STK3: variants seen among roughly 807,000 people sequenced by gnomAD.
The protein encoded by STK3 is serine/threonine-protein kinase 3.
A neutral mutation model predicts 58.0 loss-of-function variants in STK3; 41 were observed. The observed-to-expected ratio is 0.71, with a 90% confidence interval of 0.55 to 0.92. The LOEUF is 0.92. Among genes scored for constraint, STK3 ranks in the 40% least tolerant of loss-of-function variants. The pLI is 0.00. For synonymous variants in STK3, 170 were observed against 191.0 expected (o/e 0.89, Z 0.91); for missense variants, 479 against 602.7 (o/e 0.79, Z 2.15).
At position 98,633,939 on chromosome 8, in the gene STK3, G is replaced by C. The variant is rs189864724; in HGVS notation, c.685-37770C>G. 29 of 233,190 alleles carry C rather than the reference G, an allele frequency of 1.2e-4. No homozygotes were observed. The East Asian group carries it at 3.2e-3, about 25-fold the overall frequency. The allele number at this position is 233,190 out of a possible 1,614,324, so 14.4% of individuals were successfully genotyped here. ...GCTGTACAACTAGCTAGAAGTTTCAGAATAAACATACATTCACAACTGTCA... is the reference window on the plus strand; with the variant it reads ...GCTGTACAACTAGCTAGAAGTTTCACAATAAACATACATTCACAACTGTCA... On this transcript the variant is annotated intron_variant, in intron 6 of 10. Coordinates refer to ENST00000419617, the MANE Select transcript of STK3 (RefSeq NM_006281.4).
At chr8:98,423,442 GAA>G (rs1240193261) in intron 3 of STK3, among the ~76,000 whole-genome samples, 1 of 152,234 alleles carries the variant, frequency 6.6e-6, no homozygotes. Context: ...GCAGTGAGCC[GAA>G]GTTTGGGAGG....
chr8:98,492,474 G>A (rs1272044191), intron 10 of STK3, among the ~76,000 whole-genome samples: 1 of 152,130 alleles, frequency 6.6e-6, no homozygotes, highest in Non-Finnish European at 1.5e-5. Context: ...TGTGAAATTG[G>A]AGAAAGGCCT....
intron 3 of STK3, among the ~76,000 whole-genome samples, chr8:98,833,994 C>CTG (rs1835650912): frequency 6.6e-6 from 1 of 152,072 alleles, no homozygotes; most frequent in Admixed American, 6.6e-5. Context: ...AAACCTTTAT[C>CTG]TGAGGGATGT....
downstream of STK3, among the ~76,000 whole-genome samples, chr8:98,367,688 C>T (rs955793781): frequency 2.0e-5 from 3 of 152,162 alleles, no homozygotes; most frequent in African/African-American, 4.8e-5. Context: ...TAGTGACTGC[C>T]ATGTCAACAA....
At chr8:98,904,224 TG>T (rs1173854881) in intron 1 of STK3, among the ~76,000 whole-genome samples, 1 of 152,070 alleles carries the variant, frequency 6.6e-6, no homozygotes, top group Non-Finnish European at 1.5e-5. Context: ...TGCCACTACA[TG>T]GTCATTTGAA....
intron 4 of STK3, 41 bp downstream of exon 4, chr8:98,749,235 C>T (rs918095028): frequency 1.9e-5 from 26 of 1,380,364 alleles, no homozygotes; most frequent in Non-Finnish European, 2.4e-5. Context: ...AAATATCAAT[C>T]TTTAGAAATG....
intron 10 of STK3, among the ~76,000 whole-genome samples, chr8:98,499,666 A>G (rs1041483048): frequency 2.6e-5 from 4 of 152,232 alleles, no homozygotes; most frequent in Non-Finnish European, 5.9e-5. Context: ...TAAACACAGT[A>G]AAGATGGTAC....
At chr8:98,918,776 CAAA>C (rs1384127924) in intron 1 of STK3, among the ~76,000 whole-genome samples, 1 of 151,728 alleles carries the variant, frequency 6.6e-6, no homozygotes, top group African/African-American at 2.4e-5. Flanking sequence ...CTCAAAAAGA[CAAA>C]AACAAAAACA....
intron 6 of STK3, among the ~76,000 whole-genome samples, chr8:98,619,181 C>T (rs972162138): frequency 2.7e-5 from 4 of 150,718 alleles, no homozygotes. Context: ...ACTATCTGAT[C>T]TTTGACAAAC....
chr8:98,783,719 C>G (rs1832269442), intron 1 of STK3, among the ~76,000 whole-genome samples: 1 of 152,218 alleles, frequency 6.6e-6, no homozygotes, highest in Admixed American at 6.5e-5. Context: ...TGGAATCAAT[C>G]CTCTCAAACC....
chr8:98,489,536 C>G (rs1822532320), intron 10 of STK3, among the ~76,000 whole-genome samples: 1 of 152,098 alleles, frequency 6.6e-6, no homozygotes, highest in South Asian at 2.1e-4. Flanking sequence ...AGTAAAAAGT[C>G]TTCCCACGTA....
intron 6 of STK3, among the ~76,000 whole-genome samples, chr8:98,662,565 G>A (rs1014291385): frequency 2.6e-5 from 4 of 151,994 alleles, no homozygotes; most frequent in Non-Finnish European, 5.9e-5. Flanking sequence ...TAAAAGTAAA[G>A]CTTAAATAAC....
At position 98,596,014 on chromosome 8, in the gene STK3, C is replaced by A. The variant is rs776441628; in HGVS notation, c.822+18G>T. On this transcript the variant is annotated intron_variant, in intron 7 of 10. Transcript: ENST00000419617. ...GGTATGAAGAAAATATCCTTCCCTT[C>A]GAGGCACAAGCACTGACCTGTAAAA... The A allele has an allele frequency of 3.7e-5, 59 of 1,602,778 alleles. No individual in the cohort carries two copies. Among genetic ancestry groups the A allele is most frequent in the Admixed American group, 5.0e-5 (3 of 59,568 alleles).
At chr8:98,367,661 C>T (rs1239561743), downstream of STK3, among the ~76,000 whole-genome samples, 1 of 152,190 alleles carries the variant, frequency 6.6e-6, no homozygotes, top group Admixed American at 6.5e-5. Flanking sequence ...AGGCTATAGC[C>T]AGAGTCTCCT....
chr8:98,515,549 C>T (rs960461169), intron 10 of STK3, among the ~76,000 whole-genome samples: 2 of 152,126 alleles, frequency 1.3e-5, no homozygotes, highest in Non-Finnish European at 2.9e-5. Flanking sequence ...TTATGCATCT[C>T]CTCTTTCTCT....
chr8:98,463,118 A>C (rs1441427604), intron 10 of STK3: 1 of 152,200 alleles, frequency 6.6e-6, no homozygotes, highest in Admixed American at 6.5e-5. Context: ...TTCTAAGCAG[A>C]GGACATAGAA....
intron 1 of STK3, among the ~76,000 whole-genome samples, chr8:98,911,616 A>G (rs1839138411): frequency 1.3e-5 from 2 of 151,958 alleles, no homozygotes; most frequent in African/African-American, 4.8e-5. Context: ...CTGGTCTCGA[A>G]CTCTTGGCCT....
chr8:98,680,471 G>C (rs1250124692), intron 6 of STK3, among the ~76,000 whole-genome samples: 1 of 152,200 alleles, frequency 6.6e-6, no homozygotes, highest in African/African-American at 2.4e-5. Context: ...CCGATGCTAT[G>C]ATGGCTATAA....
At chr8:98,640,139 G>A (rs558272003) in intron 6 of STK3, among the ~76,000 whole-genome samples, 44 of 152,050 alleles carry the variant, frequency 2.9e-4, no homozygotes, top group African/African-American at 9.7e-4. Context: ...CTGCAGTCTT[G>A]ACCTCCTGGA....
Sources: allele counts gnomAD v4.1 joint callset (sites outside exome capture counted in the v4.1 genomes callset), GRCh38; gene constraint gnomAD v4.1.1; transcripts MANE v1.5; gene names NCBI Gene and HGNC (gene_info 2026-07-23, HGNC 2026-07-21).